Variants in NDUFAF4 observed in about 807,000 individuals in gnomAD.
The protein encoded by NDUFAF4 is NADH:ubiquinone oxidoreductase complex assembly factor 4.
NDUFAF4 carries 10 observed loss-of-function variants against 15.6 expected under a neutral mutation model. That is an observed-to-expected ratio of 0.64 (90% CI 0.40 to 1.09). The LOEUF (loss-of-function observed/expected upper bound fraction) is 1.09. Among genes scored for constraint, NDUFAF4 ranks in the 50% least tolerant of loss-of-function variants. The pLI is 0.01. For synonymous variants in NDUFAF4, 77 were observed against 73.3 expected, an observed-to-expected ratio of 1.05 and a Z score of -0.26; for missense variants, 203 against 207.3, an observed-to-expected ratio of 0.98 and a Z score of 0.13.
intron 2 of NDUFAF4, among the ~76,000 whole-genome samples, chr6:96,895,284 G>C (rs2127974914): frequency 6.6e-6 from 1 of 152,100 alleles, no homozygotes; most frequent in South Asian, 2.1e-4. Flanking sequence ...TACCACAAAA[G>C]GCAAAAAGAC....
rs780496036 is a variant in NDUFAF4 at position 96,897,623 on chromosome 6, G to A, written c.136+43C>T. On this transcript the variant is annotated intron_variant, in intron 1 of 2. Transcript: ENST00000316149. Reference sequence around the variant, plus strand: ...GCTAGGGACAGCCGGGCAGCACAGGGACTCCGCGCCCCCGGGCCCCGAAAC... The same window carrying A: ...GCTAGGGACAGCCGGGCAGCACAGGAACTCCGCGCCCCCGGGCCCCGAAAC... 3.1e-6 allele frequency: 5 copies of A among 1,611,214 alleles called. No individual in the cohort carries two copies. The African/African-American group carries it at 6.7e-5, about 22-fold the overall frequency.
chr6:96,894,303 C>G (rs1425668399), intron 2 of NDUFAF4, among the ~76,000 whole-genome samples: 1 of 152,172 alleles, frequency 6.6e-6, no homozygotes, highest in African/African-American at 2.4e-5. Flanking sequence ...TTCTGGTTAT[C>G]AGACTGTGTG....
At chr6:96,895,347 T>C (rs1167499428) in intron 2 of NDUFAF4, among the ~76,000 whole-genome samples, 1 of 151,978 alleles carries the variant, frequency 6.6e-6, no homozygotes, top group East Asian at 1.9e-4. Context: ...AGACAACAAA[T>C]AAATTATTTG....
rs746211704 is a variant in NDUFAF4 at position 96,896,785 on chromosome 6, C to T, written c.199G>A (p.Asp67Asn). The T allele has an allele frequency of 6.2e-7, 1 of 1,613,604 alleles. No individual in the cohort carries two copies. The highest frequency in any genetic ancestry group is 1.1e-5 in the South Asian group (1 of 91,078). ...GGATCTTTGGAATCAACATACACAT[C>T]TTTTAGAAACGACAGCAGCTTTTCA... ...KDEKLLSFLK[D>N]VYVDSKDPVS... The change falls in exon 2 of 3, where the codon GAT (aspartate) becomes AAT (asparagine). Residue 67 changes from aspartate (D) to asparagine (N), a missense_variant. Transcript: ENST00000316149.
chr6:96,892,567 G>T (rs1775328643), intron 2 of NDUFAF4, among the ~76,000 whole-genome samples: 7 of 152,144 alleles, frequency 4.6e-5, no homozygotes, highest in Admixed American at 4.6e-4. Context: ...TCTAATGACT[G>T]CCTAGTTGCT....
chr6:96,891,568 G>A (rs1253877281), intron 2 of NDUFAF4, among the ~76,000 whole-genome samples, 177 bp from the exon 3 acceptor site: 1 of 152,090 alleles, frequency 6.6e-6, no homozygotes, highest in Non-Finnish European at 1.5e-5. Context: ...AGGGCATGGT[G>A]GAAAGTGACT....
chr6:96,892,733 T>A (rs567882201), intron 2 of NDUFAF4, among the ~76,000 whole-genome samples: 2 of 152,220 alleles, frequency 1.3e-5, no homozygotes, highest in East Asian at 3.9e-4. Flanking sequence ...CAGTGGGTCC[T>A]TCGGGGTTTT....
chr6:96,893,340 T>C (rs1159930190), intron 2 of NDUFAF4, among the ~76,000 whole-genome samples: 2 of 152,218 alleles, frequency 1.3e-5, no homozygotes, highest in African/African-American at 4.8e-5. Context: ...AACTCTTTAA[T>C]GACTTCCCAT....
In NDUFAF4 at chr6:96,890,862, G is replaced by A. The variant is rs1233407234; in HGVS notation, c.*242C>T. The A allele has an allele frequency of 1.8e-5, 8 of 436,664 alleles. No individual in the cohort carries two copies. Among genetic ancestry groups the A allele is most frequent in the Admixed American group, 1.6e-4 (4 of 25,694 alleles). The allele number at this position is 436,664 out of a possible 1,614,324, so 27.0% of individuals were successfully genotyped here. A position where few individuals can be genotyped will look rare whatever the true frequency, so the allele number is the denominator to read the frequency against. ...AATTAACTCTTTCACCATAATAAAG[G>A]TACAGATGTGCTCAGTCATGCTGAC... On this transcript the variant is annotated 3_prime_UTR_variant, in exon 3 of 3. Coordinates refer to ENST00000316149, the MANE Select transcript of NDUFAF4 (RefSeq NM_014165.4).
At chr6:96,897,074 G>A (rs1775387640) in intron 1 of NDUFAF4, among the ~76,000 whole-genome samples, 1 of 152,006 alleles carries the variant, frequency 6.6e-6, no homozygotes, top group Non-Finnish European at 1.5e-5. Context: ...CTACAGGCGC[G>A]CCACCACGCC....
intron 1 of NDUFAF4, 45 bp downstream of exon 1, chr6:96,897,621 G>A (rs1775403457): frequency 6.2e-7 from 1 of 1,611,142 alleles, no homozygotes; most frequent in Non-Finnish European, 8.5e-7. Context: ...GGGCAGCACA[G>A]GGACTCCGCG....
In NDUFAF4 at chr6:96,897,885, C is replaced by A; in HGVS notation, c.-84G>T. 6.2e-7 allele frequency: 1 copy of A among 1,602,298 alleles called. No individual in the cohort carries two copies. Among genetic ancestry groups the A allele is most frequent in the Non-Finnish European group, 8.5e-7 (1 of 1,172,400 alleles). On this transcript the variant is annotated 5_prime_UTR_variant, in exon 1 of 3. Coordinates refer to ENST00000316149, the MANE Select transcript of NDUFAF4 (RefSeq NM_014165.4). The stretch of plus-strand genomic sequence containing the variant: ...AACTCCGGGACACCCGGAGCATGCG[C>A]ACAAGTGAGGGGAAGCCCCGCCGCG...
rs1211867436 is a variant in NDUFAF4 at position 96,889,883 on chromosome 6, G to GA, written c.*1220dup. On this transcript the variant is annotated 3_prime_UTR_variant, in exon 3 of 3. Coordinates refer to ENST00000316149, the MANE Select transcript of NDUFAF4 (RefSeq NM_014165.4). ...GGGCCTGTTTAAGTCATAAACTACA[G>GA]AATCTTCGGTCATATATTCTCCCCA... The GA allele has an allele frequency of 6.6e-6, 1 of 152,104 alleles. No homozygotes were observed. The highest frequency in any genetic ancestry group is 1.5e-5 in the Non-Finnish European group (1 of 68,006). The allele number at this position is 152,104 out of a possible 1,614,324, so 9.4% of individuals were successfully genotyped here.
At position 96,890,012 on chromosome 6, in the gene NDUFAF4, T is replaced by C. The variant is rs1285739476; in HGVS notation, c.*1092A>G. 1 of 152,142 alleles carries C rather than the reference T, an allele frequency of 6.6e-6. No individual in the cohort carries two copies. The highest frequency in any genetic ancestry group is 1.5e-5 in the Non-Finnish European group (1 of 68,010). The allele number at this position is 152,142 out of a possible 1,614,324, so 9.4% of individuals were successfully genotyped here. On this transcript the variant is annotated 3_prime_UTR_variant, in exon 3 of 3. Transcript: ENST00000316149. ...AACCCTTACATTTAGGGTAGCATTA[T>C]GCTTATTTTATAGAAGAAACTCAAT...
At chr6:96,894,157 T>C (rs757983473) in intron 2 of NDUFAF4, among the ~76,000 whole-genome samples, 2 of 152,172 alleles carry the variant, frequency 1.3e-5, no homozygotes, top group Non-Finnish European at 2.9e-5. Flanking sequence ...TCCATAAGGT[T>C]CAAACTGCAA....
chr6:96,892,349 C>T (rs1446192592), intron 2 of NDUFAF4, among the ~76,000 whole-genome samples: 1 of 152,170 alleles, frequency 6.6e-6, no homozygotes, highest in Non-Finnish European at 1.5e-5. Flanking sequence ...GCTCTGCATT[C>T]CATTCTTGTT....
In NDUFAF4 at chr6:96,890,738, C is replaced by T. The variant is rs1319253982; in HGVS notation, c.*366G>A. The T allele has an allele frequency of 2.5e-5, 5 of 203,772 alleles. No homozygotes were observed. In the East Asian group the frequency reaches 7.0e-4, roughly 29 times the overall value. 12.6% of individuals were successfully genotyped at this position (203,772 alleles called of 1,614,324 possible). A position where few individuals can be genotyped will look rare whatever the true frequency, so the allele number is the denominator to read the frequency against. On this transcript the variant is annotated 3_prime_UTR_variant, in exon 3 of 3. Transcript: ENST00000316149. ...TATCGCATGAGAAGAATGAACTAAA[C>T]ACCTAACTTGGAAAGTAAAACTCAG...
Position 96,889,851 on chromosome 6 carries a change from A to G in NDUFAF4, c.*1253T>C, listed in dbSNP as rs878883098. The G allele has an allele frequency of 2.0e-5, 3 of 152,160 alleles. No homozygotes were observed. The South Asian group carries it at 6.2e-4, about 32-fold the overall frequency. The allele number at this position is 152,160 out of a possible 1,614,324, so 9.4% of individuals were successfully genotyped here. A position where few individuals can be genotyped will look rare whatever the true frequency, so the allele number is the denominator to read the frequency against. On this transcript the variant is annotated 3_prime_UTR_variant, in exon 3 of 3. Coordinates refer to ENST00000316149, the MANE Select transcript of NDUFAF4 (RefSeq NM_014165.4). ...ACACACTACTAGGATTTGAAAAACT[A>G]AATTCTGGGCCTGTTTAAGTCATAA... is the stretch of plus-strand genomic sequence containing the variant.
Position 96,889,876 on chromosome 6 carries a change from A to C in NDUFAF4, c.*1228T>G, listed in dbSNP as rs1775291110. On this transcript the variant is annotated 3_prime_UTR_variant, in exon 3 of 3. Transcript: ENST00000316149. ...AAATTCTGGGCCTGTTTAAGTCATA[A>C]ACTACAGAATCTTCGGTCATATATT... 1 of 152,162 alleles carries C rather than the reference A, an allele frequency of 6.6e-6. No homozygotes were observed. The highest frequency in any genetic ancestry group is 1.5e-5 in the Non-Finnish European group (1 of 67,996). The allele number at this position is 152,162 out of a possible 1,614,324, so 9.4% of individuals were successfully genotyped here. A position where few individuals can be genotyped will look rare whatever the true frequency, so the allele number is the denominator to read the frequency against.
Sources: allele counts gnomAD v4.1 joint callset (sites outside exome capture counted in the v4.1 genomes callset), GRCh38; gene constraint gnomAD v4.1.1; transcripts MANE v1.5; gene names NCBI Gene and HGNC (gene_info 2026-07-23, HGNC 2026-07-21).